The following FBXW4 variants were observed in gnomAD, a reference collection of about 807,000 sequenced individuals.
The protein encoded by FBXW4 is F-box/WD repeat-containing protein 4.
Under a neutral mutation model 61.8 loss-of-function variants are expected in FBXW4, and 40 were observed. The observed-to-expected ratio is 0.65, with a 90% CI of 0.50 to 0.84. The LOEUF is 0.84. FBXW4 is among the 40% of genes least tolerant of loss of function. The pLI is 0.00. For synonymous variants in FBXW4, 311 were observed against 313.8 expected, an observed-to-expected ratio of 0.99 and a Z score of 0.10; for missense variants, 672 against 753.8, an observed-to-expected ratio of 0.89 and a Z score of 1.27.
chr10:101,636,543 T>C (rs1333124208), intron 5 of FBXW4, among the ~76,000 whole-genome samples: 1 of 152,106 alleles, frequency 6.6e-6, no homozygotes, highest in Non-Finnish European at 1.5e-5. Context: ...TCCTACATAT[T>C]TGATAATATT....
At chr10:101,613,534 G>A (rs558989759) in intron 6 of FBXW4, among the ~76,000 whole-genome samples, 2 of 152,324 alleles carry the variant, frequency 1.3e-5, no homozygotes, top group South Asian at 2.1e-4. Context: ...ATGGAGTGAG[G>A]GGACTTCATG....
At chr10:101,661,611 C>T (rs1389163834) in intron 5 of FBXW4, among the ~76,000 whole-genome samples, 7 of 152,110 alleles carry the variant, frequency 4.6e-5, no homozygotes, top group Non-Finnish European at 8.8e-5. Flanking sequence ...TCATGACGCC[C>T]CTTCTAGCCA....
intron 5 of FBXW4, among the ~76,000 whole-genome samples, chr10:101,639,203 G>A (rs1356610571): frequency 6.6e-6 from 1 of 152,196 alleles, no homozygotes; most frequent in Non-Finnish European, 1.5e-5. Flanking sequence ...TGCCCCTCAG[G>A]GAGGGTGCTA....
chr10:101,666,891 TAAAACAAA>T (rs1181335768), intron 5 of FBXW4, among the ~76,000 whole-genome samples: 2 of 150,092 alleles, frequency 1.3e-5, no homozygotes, highest in Non-Finnish European at 3.0e-5. Context: ...ACCCCATTTC[TAAAACAAA>T]AAAACAACAG....
intron 3 of FBXW4, 27 bp downstream of exon 3, chr10:101,673,461 G>T (rs200796259): frequency 6.2e-7 from 1 of 1,612,202 alleles, no homozygotes; most frequent in Non-Finnish European, 8.5e-7. Context: ...ATGGAAAAGG[G>T]TGGAAGGAGA....
intron 1 of FBXW4, among the ~76,000 whole-genome samples, chr10:101,682,523 C>T (rs1052744051): frequency 1.3e-5 from 2 of 152,078 alleles, no homozygotes; most frequent in African/African-American, 2.4e-5. Flanking sequence ...TGAATTAGGT[C>T]TAAAATTAAT....
At position 101,673,777 on chromosome 10, in the gene FBXW4, C is replaced by A. The variant is rs1225286582; in HGVS notation, c.822-104G>T. ...CCAATCCCCAACTTAGTAAGGATAA[C>A]CAACAAGGCTTATTATCTATACTTG... On this transcript the variant is annotated intron_variant, in intron 2 of 8. Transcript: ENST00000331272. The A allele has an allele frequency of 1.9e-5, 20 of 1,073,828 alleles. No individual in the cohort carries two copies. In the East Asian group the frequency reaches 4.4e-4, roughly 24 times the overall value. The allele number at this position is 1,073,828 out of a possible 1,614,324, so 66.5% of individuals were successfully genotyped here.
chr10:101,612,360 G>A lies in FBXW4; in HGVS notation c.1419C>T (p.Tyr473=), dbSNP rs1292303314. The change falls in exon 7 of 9, where the codon TAC becomes TAT. Residue 473 remains tyrosine, a synonymous_variant. Coordinates refer to ENST00000331272, the MANE Select transcript of FBXW4 (RefSeq NM_022039.4). ...LSCGYDTYVR[Y]WDLRTSVRKC... ...ACCGGACGCTGGTGCGGAGGTCCCA[G>A]TAGCGAACATAGGTGTCATAGCCAC... 2 of 1,587,078 alleles carry A rather than the reference G, an allele frequency of 1.3e-6. No individual in the cohort carries two copies. Among genetic ancestry groups the A allele is most frequent in the Non-Finnish European group, 1.7e-6 (2 of 1,165,336 alleles).
intron 5 of FBXW4, 31 bp from the exon 6 acceptor site, chr10:101,624,841 C>T: frequency 6.2e-7 from 1 of 1,613,382 alleles, no homozygotes; most frequent in Non-Finnish European, 8.5e-7. Flanking sequence ...AAAGTCAGAT[C>T]TGGCTTGTCA....
At chr10:101,612,063 A>G (rs1351017036) in intron 7 of FBXW4, among the ~76,000 whole-genome samples, 2 of 152,398 alleles carry the variant, frequency 1.3e-5, no homozygotes, top group African/African-American at 4.8e-5. Context: ...ACAGGCCTCA[A>G]GAAAGGCTGG....
intron 5 of FBXW4, among the ~76,000 whole-genome samples, chr10:101,653,402 A>C (rs1001153890): frequency 2.6e-5 from 4 of 152,138 alleles, no homozygotes; most frequent in Non-Finnish European, 5.9e-5. Flanking sequence ...TCTGCTCTTC[A>C]ACACCCTCCA....
chr10:101,663,648 AAAG>A (rs2064266598), intron 5 of FBXW4, among the ~76,000 whole-genome samples: 1 of 151,990 alleles, frequency 6.6e-6, no homozygotes, highest in Non-Finnish European at 1.5e-5. Context: ...AAAAAAAAAA[AAAG>A]AGTCTGCCCT....
intron 1 of FBXW4, among the ~76,000 whole-genome samples, chr10:101,680,592 C>A (rs940432067): frequency 8.5e-5 from 13 of 152,180 alleles, no homozygotes; most frequent in African/African-American, 2.9e-4. Context: ...GGAAACATCC[C>A]CCAAGAATAG....
chr10:101,625,414 G>A lies in FBXW4; in HGVS notation c.1236-604C>T, dbSNP rs1052630325. 5.0e-4 allele frequency: 77 copies of A among 152,556 alleles called. 1 individual carries two copies. The highest frequency in any genetic ancestry group is 8.3e-4 in the Non-Finnish European group (57 of 68,352). The allele number at this position is 152,556 out of a possible 1,614,324, so 9.5% of individuals were successfully genotyped here. The stretch of plus-strand genomic sequence containing the variant: ...CTACATAGGTGGGGCGGAGTCCCCA[G>A]AAGCCAGGCAGCCAGGGCTTCTGGA... On this transcript the variant is annotated intron_variant, in intron 5 of 8. Transcript: ENST00000331272.
intron 1 of FBXW4, among the ~76,000 whole-genome samples, chr10:101,685,430 G>T (rs2064524380): frequency 6.6e-6 from 1 of 152,088 alleles, no homozygotes; most frequent in Non-Finnish European, 1.5e-5. Context: ...ACAATATATA[G>T]AATTTATTTT....
chr10:101,693,161 A>G (rs951091603), intron 1 of FBXW4, among the ~76,000 whole-genome samples: 2 of 152,254 alleles, frequency 1.3e-5, no homozygotes, highest in Admixed American at 1.3e-4. Context: ...AAGATTTTCT[A>G]AATTCTCACA....
chr10:101,682,214 A>G (rs749808655), intron 1 of FBXW4, among the ~76,000 whole-genome samples: 2 of 152,172 alleles, frequency 1.3e-5, no homozygotes, highest in Non-Finnish European at 2.9e-5. Flanking sequence ...TGTTCCTCCA[A>G]TATCAAACAT....
chr10:101,688,103 T>G (rs1433061224), intron 1 of FBXW4, among the ~76,000 whole-genome samples: 2 of 152,214 alleles, frequency 1.3e-5, no homozygotes, highest in Non-Finnish European at 2.9e-5. Flanking sequence ...GGCAGAGGAA[T>G]GAACTGGCTG....
Position 101,694,314 on chromosome 10 carries a change from G to A in FBXW4, c.725+67C>T. 3.0e-6 allele frequency: 4 copies of A among 1,320,894 alleles called. No individual in the cohort carries two copies. Among genetic ancestry groups the A allele is most frequent in the Non-Finnish European group, 3.9e-6 (4 of 1,035,960 alleles). The allele number at this position is 1,320,894 out of a possible 1,614,324, so 81.8% of individuals were successfully genotyped here. On this transcript the variant is annotated intron_variant, in intron 1 of 8. Coordinates refer to ENST00000331272, the MANE Select transcript of FBXW4 (RefSeq NM_022039.4). This position sits in a 1 kb window ranked among gnomAD's most constrained non-coding sequence, Gnocchi z 6.0. ...GACCCTGGGCCGACCAGGCCGCGGCGCCCCGCCCTTTCCCGGGACGCGGGG... is the reference window on the plus strand; with the variant it reads ...GACCCTGGGCCGACCAGGCCGCGGCACCCCGCCCTTTCCCGGGACGCGGGG...
Sources: allele counts gnomAD v4.1 joint callset (sites outside exome capture counted in the v4.1 genomes callset), GRCh38; gene constraint gnomAD v4.1.1; non-coding constraint Gnocchi (gnomAD v3.1); transcripts MANE v1.5; gene names NCBI Gene and HGNC (gene_info 2026-07-23, HGNC 2026-07-21).